The following NR3C1 variants were observed in gnomAD, a reference collection of about 807,000 sequenced individuals.
NR3C1 encodes the protein glucocorticoid receptor.
In NR3C1, 14 loss-of-function variants were observed where a neutral mutation model predicts 74.0. The ratio of observed to expected loss-of-function variants is 0.19; its 90% CI spans 0.12 to 0.30. The LOEUF (loss-of-function observed/expected upper bound fraction) is 0.30. Among genes scored for constraint, NR3C1 ranks in the 10% least tolerant of loss-of-function variants. The pLI is 1.00. For missense variants in NR3C1, 695 were observed against 909.8 expected (o/e 0.76, Z 3.04); for synonymous variants, 308 against 332.5 (o/e 0.93, Z 0.80).
In NR3C1 at chr5:143,319,792, A is replaced by G. The variant is rs1822960285; in HGVS notation, c.1185-5624T>C. On this transcript the variant is annotated intron_variant, in intron 2 of 8. Coordinates refer to ENST00000394464, the MANE Select transcript of NR3C1 (RefSeq NM_000176.3). ...CTGGCCATAAAGCTTTAAGCAACAT[A>G]AAGTGGAAAAGAAAAAAAAAAAGGG... Among the ~76,000 whole-genome samples the G allele has an allele frequency of 2.0e-5, 3 of 152,146 alleles. No homozygotes were observed. In the South Asian group the frequency reaches 6.2e-4, roughly 32 times the overall value.
chr5:143,323,917 G>C (rs892247566), intron 2 of NR3C1, among the ~76,000 whole-genome samples: 1 of 152,138 alleles, frequency 6.6e-6, no homozygotes, highest in African/African-American at 2.4e-5. Context: ...GCCCCAAAAT[G>C]ATCTCCTTTG....
chr5:143,297,075 C>CAAAAAAA (rs766243522), intron 6 of NR3C1, among the ~76,000 whole-genome samples: 5 of 60,590 alleles, frequency 8.3e-5, no homozygotes, highest in East Asian at 5.1e-4. Flanking sequence ...AGACTCGTCT[C>CAAAAAAA]AAAAAAAAAA....
At chr5:143,381,384 C>T (rs796722199) in intron 2 of NR3C1, among the ~76,000 whole-genome samples, 44 of 151,654 alleles carry the variant, frequency 2.9e-4, no homozygotes, top group African/African-American at 1.0e-3. Context: ...TCTACAGATT[C>T]AATGCAATCT....
chr5:143,429,570 G>T (rs1751707111), intron 1 of NR3C1, among the ~76,000 whole-genome samples: 1 of 152,172 alleles, frequency 6.6e-6, no homozygotes. Flanking sequence ...CTCTGCTATG[G>T]CAGTCATGCA....
intron 1 of NR3C1, among the ~76,000 whole-genome samples, chr5:143,428,769 C>A (rs1751665256): frequency 6.6e-6 from 1 of 152,124 alleles, no homozygotes; most frequent in South Asian, 2.1e-4. Flanking sequence ...TGATTTTGTT[C>A]ATCAGCCAAC....
At chr5:143,419,691 C>T (rs1345695705) in intron 1 of NR3C1, among the ~76,000 whole-genome samples, 1 of 152,136 alleles carries the variant, frequency 6.6e-6, no homozygotes, top group Non-Finnish European at 1.5e-5. Flanking sequence ...AATAGAATAT[C>T]ACAAGGCAAA....
At chr5:143,354,775 T>C (rs1015410036) in intron 2 of NR3C1, among the ~76,000 whole-genome samples, 1 of 151,584 alleles carries the variant, frequency 6.6e-6, no homozygotes, top group African/African-American at 2.4e-5. Flanking sequence ...ATACAAAAAT[T>C]AGCCAGGCGT....
At chr5:143,408,917 A>G (rs1044802042) in intron 1 of NR3C1, 3 of 152,172 alleles carry the variant, frequency 2.0e-5, no homozygotes, top group Non-Finnish European at 4.4e-5. Flanking sequence ...ACTTGACGCA[A>G]CTGTAAGTCA....
chr5:143,434,375 T>A (rs1440527924), intron 1 of NR3C1, among the ~76,000 whole-genome samples: 5 of 152,212 alleles, frequency 3.3e-5, no homozygotes, highest in Non-Finnish European at 7.3e-5. Context: ...CCCACAAAAA[T>A]GTTTTCTTCC....
Position 143,417,485 on chromosome 5 carries a change from T to C in NR3C1, c.-13-16633A>G, listed in dbSNP as rs1028688946. 1.1e-4 allele frequency among the ~76,000 whole-genome samples: 16 copies of C among 152,268 alleles called. No individual in the cohort carries two copies. In the Middle Eastern group the frequency reaches 0.01, roughly 97 times the overall value. Reference sequence around the variant, plus strand: ...CATGTCTTTAGCAAGTTACTTAACTTTTCTGAATGTTAGTTTCCTTATCTG... The same window carrying C: ...CATGTCTTTAGCAAGTTACTTAACTCTTCTGAATGTTAGTTTCCTTATCTG... On this transcript the variant is annotated intron_variant, in intron 1 of 8. Transcript: ENST00000343796.
intron 2 of NR3C1, among the ~76,000 whole-genome samples, chr5:143,356,369 G>A (rs747613577): frequency 3.9e-5 from 6 of 151,954 alleles, no homozygotes; most frequent in African/African-American, 7.2e-5. Flanking sequence ...AAGAAATGGA[G>A]CATCCAGAGA....
rs1739474403 is a variant in NR3C1, at chr5:143,424,059, T to TTGTGAGG, written c.-14+10472_-14+10473insCCTCACA. Among the ~76,000 whole-genome samples, 7 of 108,680 alleles carry TTGTGAGG rather than the reference T, an allele frequency of 6.4e-5. No individual in the cohort carries two copies. In the South Asian group the frequency reaches 2.5e-3, roughly 38 times the overall value. 71.3% of individuals were successfully genotyped at this position (108,680 alleles called of 152,430 possible). Reference sequence around the variant, plus strand: ...GGGGAACATCACACTCTGGGGACTGTTGTGGGGTGTGGGGAGGGGGGAGGG... The same window carrying TTGTGAGG: ...GGGGAACATCACACTCTGGGGACTGTTGTGAGGTGTGGGGTGTGGGGAGGGGGGAGGG... On this transcript the variant is annotated intron_variant, in intron 1 of 8. Transcript: ENST00000343796.
At chr5:143,306,389 A>C (rs1025878437) in intron 4 of NR3C1, among the ~76,000 whole-genome samples, 3 of 152,218 alleles carry the variant, frequency 2.0e-5, no homozygotes, top group African/African-American at 7.2e-5. Flanking sequence ...CACATGGCTC[A>C]TCTGTATTGT....
chr5:143,319,349 A>C (rs1022136534), intron 2 of NR3C1, among the ~76,000 whole-genome samples: 16 of 152,314 alleles, frequency 1.1e-4, no homozygotes, highest in African/African-American at 3.6e-4. Flanking sequence ...CTTAGTCTTC[A>C]ATTTAAGTGA....
chr5:143,278,591 C>CA lies in NR3C1; in HGVS notation c.*3297dup, dbSNP rs971617101. The CA allele has an allele frequency of 6.6e-6, 1 of 151,842 alleles. No individual in the cohort carries two copies. The highest frequency in any genetic ancestry group is 1.5e-5 in the Non-Finnish European group (1 of 67,950). 9.4% of individuals were successfully genotyped at this position (151,842 alleles called of 1,614,324 possible). A position where few individuals can be genotyped will look rare whatever the true frequency, so the allele number is the denominator to read the frequency against. ...GACACTAAAACCAGACACACACACA[C>CA]AAAAACACATTCACCTACAGCTACA... On this transcript the variant is annotated 3_prime_UTR_variant, in exon 9 of 9. Coordinates refer to ENST00000394464, the MANE Select transcript of NR3C1 (RefSeq NM_000176.3).
Position 143,410,818 on chromosome 5 carries a change from C to G in NR3C1, c.-13-9966G>C, listed in dbSNP as rs534197312. Among the ~76,000 whole-genome samples the G allele has an allele frequency of 2.3e-4, 35 of 152,248 alleles. 2 individuals are homozygous for G. The South Asian group carries it at 6.6e-3, about 29-fold the overall frequency. ...TATCATTGTCTCTTTTCACTTATTTCCCAGGGAATCAGTGCAATGGGCAGT... is the reference window on the plus strand; with the variant it reads ...TATCATTGTCTCTTTTCACTTATTTGCCAGGGAATCAGTGCAATGGGCAGT... On this transcript the variant is annotated intron_variant, in intron 1 of 8. Transcript: ENST00000343796.
intron 2 of NR3C1, among the ~76,000 whole-genome samples, chr5:143,384,050 G>C (rs1407109960): frequency 2.0e-5 from 3 of 152,206 alleles, no homozygotes; most frequent in Non-Finnish European, 4.4e-5. Flanking sequence ...TGACTGAGAG[G>C]CCTCAGGAAA....
chr5:143,412,051 T>C (rs1841311206), intron 1 of NR3C1, among the ~76,000 whole-genome samples: 1 of 152,048 alleles, frequency 6.6e-6, no homozygotes, highest in African/African-American at 2.4e-5. Flanking sequence ...AGGAACTTTT[T>C]ATGCTAAGAG....
intron 2 of NR3C1, among the ~76,000 whole-genome samples, chr5:143,337,461 G>T (rs760654855): frequency 8.5e-5 from 13 of 152,268 alleles, no homozygotes; most frequent in Non-Finnish European, 1.8e-4. Flanking sequence ...TCCATCAATA[G>T]ATATGTATTC....
Sources: gnomAD v4.1 joint callset for allele counts (sites outside exome capture counted in the v4.1 genomes callset) on GRCh38, gnomAD v4.1.1 for gene constraint, MANE v1.5 for transcripts, NCBI Gene and HGNC (gene_info 2026-07-23, HGNC 2026-07-21) for gene names.